The following SPSB3 variants were observed in gnomAD, a reference collection of about 807,000 sequenced individuals.
SPSB3 encodes SPRY domain-containing SOCS box protein 3.
Under a neutral mutation model 29.5 loss-of-function variants are expected in SPSB3, and 18 were observed. The observed-to-expected ratio is 0.61, with a 90% CI of 0.42 to 0.91. The LOEUF is 0.91. Ranked by LOEUF, SPSB3 falls within the 40% of genes least tolerant of loss-of-function variation. The probability of loss-of-function intolerance (pLI) is 0.00; values close to 1 mark genes in which losing one functional copy is unlikely to be tolerated. For missense variants in SPSB3, 540 were observed against 507.5 expected, an observed-to-expected ratio of 1.06 and a Z score of -0.61; for synonymous variants, 299 against 214.1, an observed-to-expected ratio of 1.40 and a Z score of -3.46.
chr16:1,777,177 C>T lies in SPSB3; in HGVS notation c.988G>A (p.Asp330Asn), dbSNP rs376832134. Residue 330 changes from aspartate (D) to asparagine (N), a missense_variant, in exon 7 of 7, where the codon GAT (aspartate) becomes AAT (asparagine). Coordinates refer to ENST00000566339, the MANE Select transcript of SPSB3 (RefSeq NM_080861.4). ...TGGGCGGAGGTCGCTGCCTGGGGAT[C>T]GGACACTGGAGCCTTGCGGCGGCTG... The part of the protein sequence containing the change: ...SCSRRKAPVS[D>N]PQAATSAHPS... The T allele has an allele frequency of 1.6e-5, 25 of 1,610,746 alleles. 1 individual carries two copies. The Admixed American group carries it at 1.7e-4, about 11-fold the overall frequency.
Position 1,778,521 on chromosome 16 carries a change from C to G in SPSB3, c.218G>C (p.Cys73Ser), listed in dbSNP as rs1416788919. 14 of 1,611,730 alleles carry G rather than the reference C, an allele frequency of 8.7e-6. No homozygotes were observed. The highest frequency in any genetic ancestry group is 2.7e-5 in the African/African-American group (2 of 74,928). ...GAAGGAGGCCTCGCTCTGCCCAGCACAGTCACAGAAGGACTCGCCGGTCAC... is the reference window on the plus strand; with the variant it reads ...GAAGGAGGCCTCGCTCTGCCCAGCAGAGTCACAGAAGGACTCGCCGGTCAC... The part of the protein sequence containing the change: ...VPVTGESFCD[C>S]AGQSEASFCS... The change falls in exon 3 of 7, where the codon TGT (cysteine) becomes TCT (serine). Residue 73 changes from cysteine (C) to serine (S), a missense_variant. Cys to Ser is a moderately radical substitution (Grantham distance 112, BLOSUM62 -1). Coordinates refer to ENST00000566339, the MANE Select transcript of SPSB3 (RefSeq NM_080861.4).
chr16:1,782,249 C>G (rs900712963), intron 1 of SPSB3: 2 of 151,940 alleles, frequency 1.3e-5, no homozygotes, highest in African/African-American at 2.4e-5. Flanking sequence ...GGCGCCCGGA[C>G]CGCCGAACCC....
chr16:1,781,057 T>A, intron 2 of SPSB3: 1 of 933,086 alleles, frequency 1.1e-6, no homozygotes, highest in South Asian at 1.6e-5. Flanking sequence ...TTCTGTTGAA[T>A]GAACCAAAAG....
At chr16:1,779,366 G>A (rs1205018324) in intron 2 of SPSB3, 1 of 152,700 alleles carries the variant, frequency 6.5e-6, no homozygotes, top group Non-Finnish European at 1.5e-5. Context: ...GTGCTAAGTG[G>A]TGGCGGGGGG....
At chr16:1,778,360 C>G in intron 3 of SPSB3, 39 bp from the exon 4 acceptor site, 3 of 1,610,556 alleles carry the variant, frequency 1.9e-6, no homozygotes, top group Non-Finnish European at 2.5e-6. Flanking sequence ...CCTGAGAGCT[C>G]CATGGGGCTC....
chr16:1,777,713 G>A (rs1475918764), intron 6 of SPSB3, 34 bp downstream of exon 6: 3 of 1,607,340 alleles, frequency 1.9e-6, no homozygotes, highest in East Asian at 2.2e-5. Context: ...CGGGGTGACA[G>A]CTGAGAGGAG....
At chr16:1,782,429 T>C (rs1175610017) in intron 1 of SPSB3, 73 bp downstream of exon 1, 1 of 152,030 alleles carries the variant, frequency 6.6e-6, no homozygotes, top group South Asian at 2.1e-4. Flanking sequence ...CTGGCCGCGC[T>C]GCTACCGCCG....
In SPSB3 at chr16:1,776,839, A is replaced by C; in HGVS notation, c.*258T>G. On this transcript the variant is annotated 3_prime_UTR_variant, in exon 7 of 7. Coordinates refer to ENST00000566339, the MANE Select transcript of SPSB3 (RefSeq NM_080861.4). ...CTGTGGGAACAGCAACGCGGGCTCC[A>C]GCCAGGCTCTCGTCCTCGCAGCCTC... 1 of 537,318 alleles carries C rather than the reference A, an allele frequency of 1.9e-6. No homozygotes were observed. The highest frequency in any genetic ancestry group is 3.5e-5 in the Admixed American group (1 of 28,692). 33.3% of individuals were successfully genotyped at this position (537,318 alleles called of 1,614,324 possible).
chr16:1,778,770 C>G (rs1340845757), intron 2 of SPSB3, 158 bp from the exon 3 acceptor site: 1 of 769,346 alleles, frequency 1.3e-6, no homozygotes, highest in African/African-American at 1.8e-5. Flanking sequence ...ACAGCCCAGG[C>G]TCCCTCCCAA....
chr16:1,780,403 A>T (rs1240673729), intron 2 of SPSB3: 5 of 152,316 alleles, frequency 3.3e-5, no homozygotes, highest in African/African-American at 1.2e-4. Context: ...CAGGCCAGGC[A>T]GCTGCCCTCA....
rs149705251 is a variant in SPSB3 at position 1,778,958 on chromosome 16, G to A, written c.127-346C>T. The A allele has an allele frequency of 2.6e-3, 546 of 212,676 alleles. 5 individuals are homozygous for A. Among genetic ancestry groups the A allele is most frequent in the African/African-American group, 0.011 (466 of 43,564 alleles). 13.2% of individuals were successfully genotyped at this position (212,676 alleles called of 1,614,324 possible). A position where few individuals can be genotyped will look rare whatever the true frequency, so the allele number is the denominator to read the frequency against. On this transcript the variant is annotated intron_variant, in intron 2 of 6. Transcript: ENST00000566339. ...ACACCTTCCCTGCTAGGCCAGCCCT[G>A]CAGGGGCCCCCAGGCAAGGCCACCA...
At position 1,777,281 on chromosome 16, in the gene SPSB3, G is replaced by C. The variant is rs750822414; in HGVS notation, c.884C>G (p.Thr295Arg). 5 of 1,610,304 alleles carry C rather than the reference G, an allele frequency of 3.1e-6. No individual in the cohort carries two copies. The highest frequency in any genetic ancestry group is 3.4e-6 in the Non-Finnish European group (4 of 1,179,834). Residue 295 changes from threonine to arginine, a missense_variant, in exon 7 of 7, where the codon ACG (threonine) becomes AGG (arginine). Thr to Arg is a moderately conservative substitution (Grantham distance 71, BLOSUM62 -1). Transcript: ENST00000566339. ...LRQLRPDSGD[T>R]LEGLPLPPGL... The stretch of plus-strand genomic sequence containing the variant: ...CGGCGGCAGCGGCAGACCCTCCAGC[G>C]TGTCTCCCGAGTCTGGCCGCAGCTG...
At position 1,777,153 on chromosome 16, in the gene SPSB3, G is replaced by A; in HGVS notation, c.1012C>T (p.His338Tyr). The change falls in exon 7 of 7, where the codon CAC (histidine) becomes TAC (tyrosine). Residue 338 changes from histidine (H) to tyrosine (Y), a missense_variant. His to Tyr is a moderately conservative substitution (Grantham distance 83). Coordinates refer to ENST00000566339, the MANE Select transcript of SPSB3 (RefSeq NM_080861.4). ...GGCCGAGGCTCGCGACTGCTGGGGT[G>A]GGCGGAGGTCGCTGCCTGGGGATCG... ...VSDPQAATSA[H>Y]PSSREPRPCQ... 2 of 1,611,364 alleles carry A rather than the reference G, an allele frequency of 1.2e-6. No individual in the cohort carries two copies. The highest frequency in any genetic ancestry group is 1.7e-6 in the Non-Finnish European group (2 of 1,179,854).
chr16:1,777,691 G>A (rs2042734533), intron 6 of SPSB3, 56 bp downstream of exon 6: 2 of 1,597,654 alleles, frequency 1.3e-6, no homozygotes, highest in Admixed American at 1.7e-5. Context: ...GGGGCGGGGT[G>A]GCTGCCTCCC....
Position 1,777,028 on chromosome 16 carries a change from G to A in SPSB3, c.*69C>T, listed in dbSNP as rs2141985358. 3.3e-6 allele frequency: 5 copies of A among 1,526,592 alleles called. No individual in the cohort carries two copies. The highest frequency in any genetic ancestry group is 2.4e-5 in the South Asian group (2 of 81,678). The allele number at this position is 1,526,592 out of a possible 1,614,324, so 94.6% of individuals were successfully genotyped here. On this transcript the variant is annotated 3_prime_UTR_variant, in exon 7 of 7. Coordinates refer to ENST00000566339, the MANE Select transcript of SPSB3 (RefSeq NM_080861.4). Reference sequence around the variant, plus strand: ...CCCTGGAGTGTGGCTGGAAGGAAGGGACAGAGAAAGAAGGGACAGAGGAAA... The same window carrying A: ...CCCTGGAGTGTGGCTGGAAGGAAGGAACAGAGAAAGAAGGGACAGAGGAAA...
chr16:1,781,521 A>G, intron 1 of SPSB3, 26 bp from the exon 2 acceptor site: 1 of 1,603,824 alleles, frequency 6.2e-7, no homozygotes, highest in Non-Finnish European at 8.5e-7. Flanking sequence ...GGCTCTGGGC[A>G]AAGGAAGACT....
chr16:1,780,658 G>A (rs1896678483), intron 2 of SPSB3: 1 of 160,582 alleles, frequency 6.2e-6, no homozygotes. Context: ...ACTGGCAGAA[G>A]AAGCGTCTGG....
At position 1,778,610 on chromosome 16, in the gene SPSB3, G is replaced by A. The variant is rs745629976; in HGVS notation, c.129C>T (p.His43=). 1.9e-6 allele frequency: 3 copies of A among 1,547,704 alleles called. No homozygotes were observed. The highest frequency in any genetic ancestry group is 2.3e-5 in the East Asian group (1 of 44,118). Residue 43 remains histidine, a splice_region_variant and synonymous_variant, in exon 3 of 7, where the codon CAC becomes CAT. Coordinates refer to ENST00000566339, the MANE Select transcript of SPSB3 (RefSeq NM_080861.4). ...ACTCGGGGTCGGAGTCCGAGTCGCT[G>A]TGCTGGGAGAGAAGGGCCGGCTGTT... ...TNWGYDSDGQ[H]SDSDSDPEYS...
At position 1,777,325 on chromosome 16, in the gene SPSB3, C is replaced by T. The variant is rs2042729119; in HGVS notation, c.840G>A (p.Leu280=). 6.2e-7 allele frequency: 1 copy of T among 1,609,388 alleles called. No homozygotes were observed. The highest frequency in any genetic ancestry group is 8.5e-7 in the Non-Finnish European group (1 of 1,179,602). Residue 280 remains leucine, a synonymous_variant, in exon 7 of 7, where the codon CTG becomes CTA. Transcript: ENST00000566339. Reference sequence around the variant, plus strand: ...GCAGCTGGCGCAGGCGGTGGCAGCACAGGTACTGGAGGGAAGTGGCGCTGG... The same window carrying T: ...GCAGCTGGCGCAGGCGGTGGCAGCATAGGTACTGGAGGGAAGTGGCGCTGG... The part of the protein sequence containing the change: ...SCASATSLQY[L]CCHRLRQLRP...
Sources: allele counts gnomAD v4.1 joint callset, GRCh38; gene constraint gnomAD v4.1.1; transcripts MANE v1.5; gene names NCBI Gene and HGNC (gene_info 2026-07-23, HGNC 2026-07-21).